Variants in ZNF573 observed in about 807,000 individuals in gnomAD.
The protein encoded by ZNF573 is zinc finger protein 573.
Under a neutral mutation model 57.4 loss-of-function variants are expected in ZNF573, and 41 were observed. The ratio of observed to expected loss-of-function variants is 0.71; its 90% CI spans 0.56 to 0.93. The LOEUF (loss-of-function observed/expected upper bound fraction) is 0.93. Ranked by LOEUF, ZNF573 falls within the 40% of genes least tolerant of loss-of-function variation. ZNF573 has a pLI of 0.00. For missense variants in ZNF573, 730 were observed against 794.8 expected (o/e 0.92, Z 0.98); for synonymous variants, 249 against 261.0 (o/e 0.95, Z 0.44).
intron 4 of ZNF573, among the ~76,000 whole-genome samples, chr19:37,746,901 C>T (rs1010567998): frequency 5.3e-5 from 8 of 152,060 alleles, no homozygotes; most frequent in Non-Finnish European, 7.4e-5. Flanking sequence ...GTTTTTAAAT[C>T]CCATTCTCCA....
At chr19:37,761,685 G>A (rs889811015) in intron 4 of ZNF573, among the ~76,000 whole-genome samples, 3 of 152,198 alleles carry the variant, frequency 2.0e-5, no homozygotes, top group Admixed American at 2.0e-4. Context: ...TAGACAGACA[G>A]GCCTTGCTGG....
At chr19:37,750,157 A>G (rs2045419721) in intron 4 of ZNF573, among the ~76,000 whole-genome samples, 1 of 150,676 alleles carries the variant, frequency 6.6e-6, no homozygotes, top group Non-Finnish European at 1.5e-5. Flanking sequence ...ATCTCGGCTC[A>G]CCACAACCTC....
At chr19:37,773,595 G>T in intron 2 of ZNF573, 66 bp downstream of exon 2, 1 of 1,314,692 alleles carries the variant, frequency 7.6e-7, no homozygotes, top group Non-Finnish European at 1.0e-6. Flanking sequence ...GAAGCCTTAG[G>T]TTAATGAAAA....
At chr19:37,753,269 G>C (rs1023422153) in intron 4 of ZNF573, among the ~76,000 whole-genome samples, 3 of 151,514 alleles carry the variant, frequency 2.0e-5, no homozygotes, top group Admixed American at 6.6e-5. Context: ...ATATTTATGG[G>C]GTATATGAGA....
At position 37,761,954 on chromosome 19, in the gene ZNF573, G is replaced by A. The variant is rs150047723; in HGVS notation, c.295+8051C>T. On this transcript the variant is annotated intron_variant, in intron 4 of 4. Coordinates refer to ENST00000536220, the MANE Select transcript of ZNF573 (RefSeq NM_001172690.2). ...TGAAAAAGAAGTTTTTCCTTGGCCCGGACAGATACAATTATGAAAAGCATC... is the reference window on the plus strand; with the variant it reads ...TGAAAAAGAAGTTTTTCCTTGGCCCAGACAGATACAATTATGAAAAGCATC... Among the ~76,000 whole-genome samples, 435 of 152,170 alleles carry A rather than the reference G, an allele frequency of 2.9e-3. 4 individuals are homozygous for A. Among genetic ancestry groups the A allele is most frequent in the Middle Eastern group, 0.017 (5 of 294 alleles).
chr19:37,741,393 G>A (rs530587673), intron 4 of ZNF573, among the ~76,000 whole-genome samples: 6 of 152,200 alleles, frequency 3.9e-5, no homozygotes, highest in African/African-American at 1.4e-4. Flanking sequence ...AGCCTCTCAA[G>A]TAACTGGGAC....
chr19:37,775,658 G>A (rs967429265), intron 1 of ZNF573, among the ~76,000 whole-genome samples: 2 of 151,968 alleles, frequency 1.3e-5, no homozygotes, highest in African/African-American at 4.8e-5. Context: ...GCTGTTCGCC[G>A]ATGATATAAT....
intron 1 of ZNF573, among the ~76,000 whole-genome samples, chr19:37,778,859 G>A (rs762960131): frequency 2.6e-5 from 4 of 152,134 alleles, no homozygotes; most frequent in Admixed American, 1.3e-4. Context: ...TGGAATCTGG[G>A]TATGAGTTCA....
chr19:37,759,653 G>A (rs182038660), intron 4 of ZNF573, among the ~76,000 whole-genome samples: 23 of 152,136 alleles, frequency 1.5e-4, no homozygotes, highest in Non-Finnish European at 2.5e-4. Flanking sequence ...GCGTGAACCC[G>A]GGAGGCGGAG....
intron 4 of ZNF573, among the ~76,000 whole-genome samples, chr19:37,747,000 A>C (rs1252034954): frequency 6.6e-6 from 1 of 152,232 alleles, no homozygotes; most frequent in Non-Finnish European, 1.5e-5. Context: ...AGTACCAGGA[A>C]AGAAGTCCTC....
At chr19:37,777,836 C>A (rs1277812556) in intron 1 of ZNF573, among the ~76,000 whole-genome samples, 3 of 149,890 alleles carry the variant, frequency 2.0e-5, no homozygotes, top group African/African-American at 7.4e-5. Flanking sequence ...GAGACTGAGA[C>A]CACGGTGAAA....
intron 4 of ZNF573, among the ~76,000 whole-genome samples, chr19:37,764,063 CAAA>C (rs11333523): frequency 1.0e-4 from 11 of 105,708 alleles, no homozygotes; most frequent in Admixed American, 2.1e-4. Context: ...AACTCTGCCT[CAAA>C]AAAAAAAAAA....
intron 1 of ZNF573, among the ~76,000 whole-genome samples, chr19:37,777,598 G>C (rs112628349): frequency 0.16 from 23,780 of 152,094 alleles, 2,090 homozygotes; most frequent in Middle Eastern, 0.28. Flanking sequence ...TAAGCTATGA[G>C]GATGCAAAGA....
rs1426877161 is a variant in ZNF573 at position 37,739,862 on chromosome 19, T to G, written c.628A>C (p.Arg210=). ...RSGYQLTVHQ[R]FHTGEKTYEC... ...TAGGTTTTCTCACCAGTATGAAATC[T>G]CTGATGCACAGTCAGCTGATAACCA... Residue 210 remains arginine, a synonymous_variant, in exon 5 of 5, where the codon AGA becomes CGA. Coordinates refer to ENST00000536220, the MANE Select transcript of ZNF573 (RefSeq NM_001172690.2). 3.1e-6 allele frequency: 5 copies of G among 1,613,944 alleles called. No homozygotes were observed. The highest frequency in any genetic ancestry group is 4.2e-6 in the Non-Finnish European group (5 of 1,179,950).
At chr19:37,757,913 AC>A (rs1393851639) in intron 4 of ZNF573, among the ~76,000 whole-genome samples, 1 of 151,868 alleles carries the variant, frequency 6.6e-6, no homozygotes, top group African/African-American at 2.4e-5. Context: ...GAAGCTGGAA[AC>A]CATCATTCTC....
chr19:37,753,951 C>G (rs1395005565), intron 4 of ZNF573, among the ~76,000 whole-genome samples: 1 of 152,190 alleles, frequency 6.6e-6, no homozygotes, highest in Non-Finnish European at 1.5e-5. Flanking sequence ...TACAAGAACT[C>G]TCACAATATA....
At chr19:37,741,243 TTATC>T (rs112893897) in intron 4 of ZNF573, among the ~76,000 whole-genome samples, 5,206 of 152,244 alleles carry the variant, frequency 0.034, 283 homozygotes, top group African/African-American at 0.12. Flanking sequence ...ATCTGTCTGT[TTATC>T]TATCTATCCA....
chr19:37,738,709 T>C lies in ZNF573; in HGVS notation c.1781A>G (p.Tyr594Cys). 5 of 1,612,220 alleles carry C rather than the reference T, an allele frequency of 3.1e-6. No homozygotes were observed. Among genetic ancestry groups the C allele is most frequent in the Non-Finnish European group, 4.2e-6 (5 of 1,179,448 alleles). Residue 594 changes from tyrosine to cysteine, a missense_variant, in exon 5 of 5, where the codon TAT becomes TGT. By Grantham distance (194) the Tyr-to-Cys change is radical. Transcript: ENST00000536220. ...TTTCTGATGTTGGGTAAGGTAGCCA[T>C]ACATTTTAAAGGCCTTTCCACATTC... Reference protein sequence around the residue: ...CKECGKAFKMYGYLTQHQKIH... With the variant: ...CKECGKAFKMCGYLTQHQKIH...
In ZNF573 at chr19:37,773,732, A is replaced by G. The variant is rs1376402705; in HGVS notation, c.-3T>C. The G allele has an allele frequency of 4.6e-6, 7 of 1,534,884 alleles. No individual in the cohort carries two copies. The highest frequency in any genetic ancestry group is 3.9e-5 in the Admixed American group (2 of 50,978). ...TGGGGTTCCAATACTGGAAACATTCAAACTCCAGAGAATCCAGAGCTGAGA... is the reference window on the plus strand; with the variant it reads ...TGGGGTTCCAATACTGGAAACATTCGAACTCCAGAGAATCCAGAGCTGAGA... On this transcript the variant is annotated 5_prime_UTR_variant, in exon 2 of 5. An upstream open reading frame in the 5' UTR loses its in-frame stop. Transcript: ENST00000536220.
Sources: allele counts gnomAD v4.1 joint callset (sites outside exome capture counted in the v4.1 genomes callset), GRCh38; gene constraint gnomAD v4.1.1; transcripts MANE v1.5; gene names NCBI Gene and HGNC (gene_info 2026-07-23, HGNC 2026-07-21).